The following EEPD1 variants were observed in gnomAD, a reference collection of about 807,000 sequenced individuals.
EEPD1 encodes endonuclease/exonuclease/phosphatase family domain-containing protein 1.
Under a neutral mutation model 46.3 loss-of-function variants are expected in EEPD1, and 17 were observed. The ratio of observed to expected loss-of-function variants is 0.37; its 90% CI spans 0.25 to 0.55. EEPD1 has a LOEUF of 0.55. Among genes scored for constraint, EEPD1 ranks in the 20% least tolerant of loss-of-function variants. EEPD1 has a pLI of 0.83. For missense variants in EEPD1, 673 were observed against 745.6 expected, an observed-to-expected ratio of 0.90 and a Z score of 1.13; for synonymous variants, 313 against 315.6, an observed-to-expected ratio of 0.99 and a Z score of 0.09.
chr7:36,194,421 C>T (rs1242056748), intron 2 of EEPD1, among the ~76,000 whole-genome samples: 1 of 152,194 alleles, frequency 6.6e-6, no homozygotes, highest in Non-Finnish European at 1.5e-5. Context: ...TTCCTTGTGA[C>T]CCTCTCCAAG....
chr7:36,227,616 A>T (rs558694599), intron 2 of EEPD1, among the ~76,000 whole-genome samples: 1 of 152,314 alleles, frequency 6.6e-6, no homozygotes, highest in Non-Finnish European at 1.5e-5. Context: ...TGGTGATAAA[A>T]ACAAGAGACA....
intron 2 of EEPD1, among the ~76,000 whole-genome samples, chr7:36,231,867 A>G (rs547716460): frequency 6.6e-6 from 1 of 152,336 alleles, no homozygotes; most frequent in Non-Finnish European, 1.5e-5. Flanking sequence ...AGTATCTGAT[A>G]TGCTAGAAGA....
intron 3 of EEPD1, among the ~76,000 whole-genome samples, chr7:36,248,688 A>AT (rs1227668548): frequency 2.6e-5 from 4 of 152,010 alleles, no homozygotes; most frequent in Non-Finnish European, 4.4e-5. Flanking sequence ...ATTTGTATAA[A>AT]TTTGCATTGG....
At chr7:36,261,763 G>C (rs895740573) in intron 3 of EEPD1, among the ~76,000 whole-genome samples, 1 of 152,286 alleles carries the variant, frequency 6.6e-6, no homozygotes, top group Middle Eastern at 3.4e-3. Context: ...ATTTATGCTC[G>C]ATATTCTCAG....
At chr7:36,269,219 T>A (rs983281613) in intron 3 of EEPD1, among the ~76,000 whole-genome samples, 3 of 152,184 alleles carry the variant, frequency 2.0e-5, no homozygotes, top group African/African-American at 7.2e-5. Flanking sequence ...TACAGGTTGA[T>A]GTCAAGACAA....
At chr7:36,281,827 C>T (rs1787264990) in intron 4 of EEPD1, among the ~76,000 whole-genome samples, 1 of 152,168 alleles carries the variant, frequency 6.6e-6, no homozygotes, top group South Asian at 2.1e-4. Flanking sequence ...GATTTTTAAA[C>T]AGACTCCTGA....
chr7:36,211,617 G>C (rs1186640872), intron 2 of EEPD1, among the ~76,000 whole-genome samples: 1 of 152,048 alleles, frequency 6.6e-6, no homozygotes, highest in African/African-American at 2.4e-5. Context: ...CAGTGGGTTC[G>C]ACTACTTTTA....
At chr7:36,238,032 C>G (rs1191617136) in intron 2 of EEPD1, among the ~76,000 whole-genome samples, 2 of 152,032 alleles carry the variant, frequency 1.3e-5, no homozygotes, top group African/African-American at 4.8e-5. Context: ...TATGAGTTTT[C>G]TAGGAAAGGG....
intron 2 of EEPD1, among the ~76,000 whole-genome samples, chr7:36,206,199 G>T (rs572496479): frequency 6.6e-6 from 1 of 152,092 alleles, no homozygotes; most frequent in Admixed American, 6.6e-5. Flanking sequence ...AGAAATGAGC[G>T]AATCTCCTTG....
chr7:36,209,101 G>A (rs1271807993), intron 2 of EEPD1, among the ~76,000 whole-genome samples: 2 of 152,152 alleles, frequency 1.3e-5, no homozygotes, highest in Admixed American at 1.3e-4. Context: ...AATAACAATG[G>A]GGTTGTGTGG....
At chr7:36,274,445 A>G (rs1787154694) in intron 3 of EEPD1, among the ~76,000 whole-genome samples, 2 of 152,202 alleles carry the variant, frequency 1.3e-5, no homozygotes, top group Non-Finnish European at 2.9e-5. Flanking sequence ...ACTTTGTAGT[A>G]GGCTTCTTTG....
At chr7:36,295,423 G>A (rs568129318) in intron 6 of EEPD1, among the ~76,000 whole-genome samples, 12 of 152,204 alleles carry the variant, frequency 7.9e-5, no homozygotes, top group East Asian at 3.9e-4. Flanking sequence ...CCATGAGTCC[G>A]TACTGATCTA....
chr7:36,168,483 G>A (rs1173795959), intron 2 of EEPD1, among the ~76,000 whole-genome samples: 1 of 152,156 alleles, frequency 6.6e-6, no homozygotes. Context: ...GGCCGGGCAC[G>A]GTGGCTCACG....
At chr7:36,170,838 A>G (rs573561635) in intron 2 of EEPD1, among the ~76,000 whole-genome samples, 1 of 152,128 alleles carries the variant, frequency 6.6e-6, no homozygotes, top group Non-Finnish European at 1.5e-5. Context: ...CCTTATTACC[A>G]TATCATTTCT....
chr7:36,289,806 CT>C (rs1333479357), intron 6 of EEPD1, among the ~76,000 whole-genome samples: 9 of 152,204 alleles, frequency 5.9e-5, no homozygotes, highest in Admixed American at 5.9e-4. Context: ...AATTTCCTCA[CT>C]TTTTGAGGCT....
intron 3 of EEPD1, among the ~76,000 whole-genome samples, chr7:36,239,686 G>A (rs1441331495): frequency 6.6e-6 from 1 of 152,070 alleles, no homozygotes; most frequent in African/African-American, 2.4e-5. Context: ...CCTGGGATTG[G>A]GGATTTTTTG....
rs190968878 is a variant in EEPD1 at position 36,221,064 on chromosome 7, G to A, written c.879-17921G>A. ...CCTGAAATGATCAGCCTGCCTCAGCGTCCCAAAGTGTTTAGATTACAGGCG... is the reference window on the plus strand; with the variant it reads ...CCTGAAATGATCAGCCTGCCTCAGCATCCCAAAGTGTTTAGATTACAGGCG... On this transcript the variant is annotated intron_variant, in intron 2 of 7. Transcript: ENST00000242108. 6.8e-4 allele frequency among the ~76,000 whole-genome samples: 104 copies of A among 152,296 alleles called. 2 individuals carry two copies. The highest frequency in any genetic ancestry group is 2.3e-3 in the African/African-American group (94 of 41,560).
chr7:36,238,119 C>G (rs1311972048), intron 2 of EEPD1, among the ~76,000 whole-genome samples: 1 of 152,154 alleles, frequency 6.6e-6, no homozygotes, highest in East Asian at 1.9e-4. Flanking sequence ...GCTATGGCAC[C>G]TGTAAACTGT....
intron 2 of EEPD1, among the ~76,000 whole-genome samples, chr7:36,187,585 C>T (rs911058541): frequency 6.6e-6 from 1 of 152,066 alleles, no homozygotes; most frequent in Admixed American, 6.6e-5. Flanking sequence ...GATTTCCTTC[C>T]TTTTTAAGGC....
Sources: allele counts gnomAD v4.1 joint callset (sites outside exome capture counted in the v4.1 genomes callset), GRCh38; gene constraint gnomAD v4.1.1; transcripts MANE v1.5; gene names NCBI Gene and HGNC (gene_info 2026-07-23, HGNC 2026-07-21).